GBF1: variants seen among roughly 807,000 people sequenced by gnomAD.
GBF1 encodes the protein golgi brefeldin A resistant guanine nucleotide exchange factor 1.
GBF1 carries 114 observed loss-of-function variants against 210.5 expected under a neutral mutation model. The observed-to-expected ratio is 0.54, with a 90% CI of 0.47 to 0.63. The LOEUF is 0.63. Ranked by LOEUF, GBF1 falls within the 30% of genes least tolerant of loss-of-function variation. The probability of loss-of-function intolerance (pLI) is 0.00; values close to 1 mark genes in which losing one functional copy is unlikely to be tolerated. For synonymous variants in GBF1, 850 were observed against 889.2 expected (o/e 0.96, Z 0.78); for missense variants, 1,851 against 2,357.7 (o/e 0.79, Z 4.45).
intron 3 of GBF1, among the ~76,000 whole-genome samples, chr10:102,308,109 A>G (rs865829793): frequency 2.6e-5 from 4 of 151,532 alleles, no homozygotes; most frequent in Non-Finnish European, 4.4e-5. Context: ...GCCAGCAATT[A>G]CATTTCTAAG....
chr10:102,329,587 C>T (rs1289677871), intron 3 of GBF1, among the ~76,000 whole-genome samples: 1 of 152,104 alleles, frequency 6.6e-6, no homozygotes, highest in African/African-American at 2.4e-5. Flanking sequence ...CCTCAGCCTC[C>T]TGAGTAGCTG....
intron 3 of GBF1, among the ~76,000 whole-genome samples, chr10:102,334,104 G>T (rs913922672): frequency 6.6e-6 from 1 of 152,114 alleles, no homozygotes; most frequent in Admixed American, 6.6e-5. Context: ...ATATTTGCAG[G>T]GTAAAGAACA....
chr10:102,288,271 C>T (rs1383915360), intron 3 of GBF1, among the ~76,000 whole-genome samples: 9 of 152,098 alleles, frequency 5.9e-5, no homozygotes, highest in Non-Finnish European at 5.9e-5. Context: ...AAATTTGGTG[C>T]AAATGAACTA....
intron 3 of GBF1, among the ~76,000 whole-genome samples, chr10:102,340,643 A>C (rs1043893712): frequency 1.3e-5 from 2 of 152,028 alleles, no homozygotes; most frequent in Non-Finnish European, 2.9e-5. Flanking sequence ...TCCTAGACTC[A>C]AGGGATCCAC....
chr10:102,314,177 G>A (rs2078731105), intron 3 of GBF1, among the ~76,000 whole-genome samples: 2 of 121,116 alleles, frequency 1.7e-5, no homozygotes, highest in African/African-American at 6.2e-5. Context: ...TCAGGATTAC[G>A]CTCTTTTGCC....
rs1264750397 is a variant in GBF1, at chr10:102,375,495, C to T, written c.3797C>T (p.Thr1266Ile). The change falls in exon 30 of 40, where the codon ACA becomes ATA. Residue 1266 changes from threonine to isoleucine, a missense_variant. Thr to Ile is a moderately conservative substitution (Grantham distance 89). Around this residue, in one of 3 missense-constraint regions of GBF1, gnomAD observed 967 missense variants for 1,247.7 expected, o/e 0.78. Coordinates refer to ENST00000369983, the MANE Select transcript of GBF1 (RefSeq NM_001377137.1). ...ATCCACTCAGGTGATGACTGGGCCACACTCTTCACACTGCTGGAGTGCATC... is the reference window on the plus strand; with the variant it reads ...ATCCACTCAGGTGATGACTGGGCCATACTCTTCACACTGCTGGAGTGCATC... ...ANIHSGDDWA[T>I]LFTLLECIGS... The T allele has an allele frequency of 1.2e-6, 2 of 1,613,848 alleles. No homozygotes were observed. The highest frequency in any genetic ancestry group is 1.7e-6 in the Non-Finnish European group (2 of 1,179,808).
Position 102,352,478 on chromosome 10 carries a change from G to A in GBF1, c.544G>A (p.Glu182Lys), listed in dbSNP as rs1345202139. 6.2e-7 allele frequency: 1 copy of A among 1,611,882 alleles called. No individual in the cohort carries two copies. The highest frequency in any genetic ancestry group is 8.5e-7 in the Non-Finnish European group (1 of 1,177,896). ...RLSELLRKSAEHTLVDMVQLL... is the reference protein window; with the variant it reads ...RLSELLRKSAKHTLVDMVQLL... ...TGCAGAGTTATTGAGAAAATCCGCA[G>A]AGCACACTCTCGTAGACATGGTGCA... The change falls in exon 7 of 40, where the codon GAG (glutamate) becomes AAG (lysine). Residue 182 changes from glutamate (E) to lysine (K), a missense_variant. This residue lies in a region of GBF1 where 804 missense variants were observed against 958.6 expected (regional missense o/e 0.84). Coordinates refer to ENST00000369983, the MANE Select transcript of GBF1 (RefSeq NM_001377137.1).
At chr10:102,335,915 C>T (rs534375762) in intron 3 of GBF1, among the ~76,000 whole-genome samples, 31 of 152,192 alleles carry the variant, frequency 2.0e-4, no homozygotes, top group Non-Finnish European at 3.4e-4. Context: ...ATCAACCACC[C>T]GTTATCTCAG....
rs150529141 is a variant in GBF1 at position 102,305,293 on chromosome 10, G to A, written c.164-38758G>A. Among the ~76,000 whole-genome samples the A allele has an allele frequency of 1.1e-4, 16 of 151,356 alleles. No homozygotes were observed. The East Asian group carries it at 2.7e-3, about 26-fold the overall frequency. ...GAGGTACCACTGTACTTCTAATTCT[G>A]GACAAATCTTTCTCCTAGCTATAGA... is the stretch of plus-strand genomic sequence containing the variant. On this transcript the variant is annotated intron_variant, in intron 3 of 39. Transcript: ENST00000369983.
rs1291353636 is a variant in GBF1, at chr10:102,297,042, C to CA, written c.163+36939dup. ...CCTGAGCAACAGAGCGAGACTGTCT[C>CA]AAAAAAAAAAAAAGGAAAAAAAAGG... On this transcript the variant is annotated intron_variant, in intron 3 of 39. Transcript: ENST00000369983. 9.0e-3 allele frequency among the ~76,000 whole-genome samples: 852 copies of CA among 94,608 alleles called. 3 individuals carry two copies. Among genetic ancestry groups the CA allele is most frequent in the African/African-American group, 0.021 (552 of 26,326 alleles). 62.1% of individuals were successfully genotyped at this position (94,608 alleles called of 152,430 possible). A position where few individuals can be genotyped will look rare whatever the true frequency, so the allele number is the denominator to read the frequency against.
At chr10:102,302,448 C>CA (rs905059570) in intron 3 of GBF1, among the ~76,000 whole-genome samples, 89 of 147,972 alleles carry the variant, frequency 6.0e-4, no homozygotes, top group Non-Finnish European at 9.7e-4. Context: ...AATGCCATAC[C>CA]AAAAAAAAAA....
the GBF1 span, chr10:102,231,619 A>G: frequency 6.2e-7 from 1 of 1,610,586 alleles, no homozygotes; most frequent in Non-Finnish European, 8.5e-7. Flanking sequence ...GTTGGTCCAC[A>G]CGGCGATCTC....
rs143314790 is a variant in GBF1, at chr10:102,358,103, G to A, written c.704G>A (p.Arg235Gln). The change falls in exon 9 of 40, where the codon CGG becomes CAG. Residue 235 changes from arginine to glutamine, a missense_variant. Physicochemically the swap from Arg to Gln is conservative, Grantham distance 43. Transcript: ENST00000369983. ...SKWKKQKRSPRPPRHMTKVTP... is the reference protein window; with the variant it reads ...SKWKKQKRSPQPPRHMTKVTP... ...TGGAAGAAACAGAAGAGATCCCCTCGGCCCCCACGCCATATGACCAAAGTC... is the reference window on the plus strand; with the variant it reads ...TGGAAGAAACAGAAGAGATCCCCTCAGCCCCCACGCCATATGACCAAAGTC... The A allele has an allele frequency of 3.7e-6, 6 of 1,610,188 alleles. No individual in the cohort carries two copies. Among genetic ancestry groups the A allele is most frequent in the African/African-American group, 2.7e-5 (2 of 74,806 alleles).
At chr10:102,350,308 C>CCATA (rs1256323006) in intron 4 of GBF1, among the ~76,000 whole-genome samples, 2 of 151,654 alleles carry the variant, frequency 1.3e-5, no homozygotes, top group Non-Finnish European at 2.9e-5. Context: ...CAGGATCTCA[C>CCATA]CATAGCACTC....
At chr10:102,378,601 C>G (rs1437583981) in intron 33 of GBF1, among the ~76,000 whole-genome samples, 1 of 152,068 alleles carries the variant, frequency 6.6e-6, no homozygotes, top group Non-Finnish European at 1.5e-5. Flanking sequence ...TGGTGCCATG[C>G]ACTCCAGTTT....
At chr10:102,292,935 A>G (rs907943694) in intron 3 of GBF1, among the ~76,000 whole-genome samples, 3 of 152,112 alleles carry the variant, frequency 2.0e-5, no homozygotes, top group Non-Finnish European at 4.4e-5. Flanking sequence ...TTCTGCTTCA[A>G]ACTTGTTATG....
At chr10:102,258,510 G>C (rs559222738) in intron 1 of GBF1, among the ~76,000 whole-genome samples, 66 of 147,968 alleles carry the variant, frequency 4.5e-4, no homozygotes, top group Admixed American at 1.1e-3. Context: ...AGTGGCTCAC[G>C]CCTGTAATCC....
the GBF1 span, chr10:102,231,908 C>A: frequency 6.4e-7 from 1 of 1,562,476 alleles, no homozygotes; most frequent in South Asian, 1.1e-5. Flanking sequence ...GGGGTCCCAC[C>A]CGCACTGGGG....
chr10:102,345,005 C>T (rs908798427), intron 4 of GBF1, among the ~76,000 whole-genome samples: 7 of 151,688 alleles, frequency 4.6e-5, no homozygotes, highest in Non-Finnish European at 7.4e-5. Context: ...GAAATAAGGC[C>T]GGGTGCGGTG....
Sources: gnomAD v4.1 joint callset for allele counts (sites outside exome capture counted in the v4.1 genomes callset) on GRCh38, gnomAD v4.1.1 for gene constraint, gnomAD v4.1.1 regional missense constraint, MANE v1.5 for transcripts, NCBI Gene and HGNC (gene_info 2026-07-23, HGNC 2026-07-21) for gene names.